The following LPCAT1 variants were observed in gnomAD, a reference collection of about 807,000 sequenced individuals.
LPCAT1 encodes 1-acylglycerol-3-phosphate O-acyltransferase.
Under a neutral mutation model 60.9 loss-of-function variants are expected in LPCAT1, and 23 were observed. That is an observed-to-expected ratio of 0.38 (90% confidence interval 0.27 to 0.53). The LOEUF (loss-of-function observed/expected upper bound fraction) is 0.53, where lower values mean the gene tolerates loss of function less well. LPCAT1 is among the 20% of genes least tolerant of loss of function. The pLI is 0.82. For missense variants in LPCAT1, 622 were observed against 723.6 expected, an observed-to-expected ratio of 0.86 and a Z score of 1.61; for synonymous variants, 340 against 301.1, an observed-to-expected ratio of 1.13 and a Z score of -1.34.
In LPCAT1 at chr5:1,502,984, A is replaced by T. The variant is rs1051416473; in HGVS notation, c.136-1381T>A. Reference sequence around the variant, plus strand: ...TACCATTTCGACACGTACTCAACGTAGAAGTTGCTACTGGCTAGTTTGCAT... The same window carrying T: ...TACCATTTCGACACGTACTCAACGTTGAAGTTGCTACTGGCTAGTTTGCAT... On this transcript the variant is annotated intron_variant, in intron 1 of 13. Coordinates refer to ENST00000283415, the MANE Select transcript of LPCAT1 (RefSeq NM_024830.5). This position sits in a 1 kb window ranked among gnomAD's most constrained non-coding sequence, Gnocchi z 5.5. Among the ~76,000 whole-genome samples the T allele has an allele frequency of 1.3e-5, 2 of 152,238 alleles. No individual in the cohort carries two copies. Among genetic ancestry groups the T allele is most frequent in the African/African-American group, 4.8e-5 (2 of 41,460 alleles).
intron 1 of LPCAT1, among the ~76,000 whole-genome samples, chr5:1,512,997 C>T (rs73033829): frequency 0.02 from 3,058 of 152,244 alleles, 104 homozygotes; most frequent in African/African-American, 0.068. Context: ...GGGAAAAGGG[C>T]GTGGGGTGGA....
At chr5:1,472,651 G>A (rs933955464) in intron 11 of LPCAT1, among the ~76,000 whole-genome samples, 1 of 152,206 alleles carries the variant, frequency 6.6e-6, no homozygotes, top group Non-Finnish European at 1.5e-5. Flanking sequence ...TGTGAAACCA[G>A]TATTCACCAT....
At chr5:1,503,480 C>T (rs149154020) in intron 1 of LPCAT1, among the ~76,000 whole-genome samples, 8 of 152,364 alleles carry the variant, frequency 5.3e-5, no homozygotes, top group African/African-American at 1.4e-4. Flanking sequence ...TGATGCCTTA[C>T]GGCCACGGTC....
At chr5:1,473,827 G>A (rs1734787200) in intron 11 of LPCAT1, 130 bp downstream of exon 11, 3 of 1,077,498 alleles carry the variant, frequency 2.8e-6, no homozygotes, top group South Asian at 3.3e-5. Context: ...GGGTGGGGTG[G>A]TGATGGGTGG....
rs148005551 is a variant in LPCAT1 at position 1,474,016 on chromosome 5, C to T, written c.1120G>A (p.Ala374Thr). The change falls in exon 11 of 14, where the codon GCC becomes ACC. Residue 374 changes from alanine to threonine, a missense_variant. Physicochemically the swap from Ala to Thr is moderately conservative, Grantham distance 58 (BLOSUM62 0). Around this residue, in one of 3 missense-constraint regions of LPCAT1, gnomAD observed 288 missense variants for 283.6 expected, o/e 1.02. Transcript: ENST00000283415. ...TCAGAAACGGGGACTTCCAGGGAGG[C>T]GGCAAACTCCGCAATACCTATCTTC... is the stretch of plus-strand genomic sequence containing the variant. ...GEKIGIAEFA[A>T]SLEVPVSDLL... The T allele has an allele frequency of 1.7e-5, 27 of 1,614,050 alleles. No individual in the cohort carries two copies. Among genetic ancestry groups the T allele is most frequent in the African/African-American group, 8.0e-5 (6 of 74,928 alleles).
Position 1,523,918 on chromosome 5 carries a change from G to A in LPCAT1, c.-74C>T, listed in dbSNP as rs1349684132. 72 of 970,720 alleles carry A rather than the reference G, an allele frequency of 7.4e-5. No homozygotes were observed. The highest frequency in any genetic ancestry group is 8.7e-5 in the Non-Finnish European group (71 of 813,934). 60.1% of individuals were successfully genotyped at this position (970,720 alleles called of 1,614,324 possible). A position where few individuals can be genotyped will look rare whatever the true frequency, so the allele number is the denominator to read the frequency against. ...GCGGGGCCGGGGCTAGCTGGGCGCG[G>A]GTCTCGGGGCGCGGGCCGAGGATGC... On this transcript the variant is annotated 5_prime_UTR_variant, in exon 1 of 14. Coordinates refer to ENST00000283415, the MANE Select transcript of LPCAT1 (RefSeq NM_024830.5). The surrounding 1 kb of genome is among the most constrained non-coding windows in gnomAD (Gnocchi z 7.1).
At chr5:1,499,081 T>C (rs933699047) in intron 2 of LPCAT1, among the ~76,000 whole-genome samples, 4 of 152,218 alleles carry the variant, frequency 2.6e-5, no homozygotes, top group Non-Finnish European at 5.9e-5. Flanking sequence ...GAGATGTACA[T>C]ATGAAAGCGT....
At chr5:1,489,485 C>T (rs1461343601) in intron 4 of LPCAT1, among the ~76,000 whole-genome samples, 1 of 152,216 alleles carries the variant, frequency 6.6e-6, no homozygotes, top group Non-Finnish European at 1.5e-5. Context: ...AATGCTCTAT[C>T]TGAGTCAGAA....
At chr5:1,506,911 C>T (rs941711806) in intron 1 of LPCAT1, among the ~76,000 whole-genome samples, 3 of 152,204 alleles carry the variant, frequency 2.0e-5, no homozygotes, top group African/African-American at 7.2e-5. Context: ...CCAAGCAAGG[C>T]CCAGCACCCT....
intron 1 of LPCAT1, among the ~76,000 whole-genome samples, chr5:1,514,691 G>A (rs985471004): frequency 1.6e-4 from 25 of 152,368 alleles, no homozygotes; most frequent in African/African-American, 5.8e-4. Flanking sequence ...CTCAGGGGCT[G>A]TGGACCATGC....
intron 1 of LPCAT1, among the ~76,000 whole-genome samples, chr5:1,512,506 G>A (rs970968901): frequency 1.3e-5 from 2 of 152,256 alleles, no homozygotes; most frequent in African/African-American, 4.8e-5. Flanking sequence ...AGAAGACACA[G>A]CTTGCTGAAG....
Position 1,502,814 on chromosome 5 carries a change from C to T in LPCAT1, c.136-1211G>A, listed in dbSNP as rs1193070001. 6.6e-6 allele frequency among the ~76,000 whole-genome samples: 1 copy of T among 152,084 alleles called. No homozygotes were observed. The highest frequency in any genetic ancestry group is 1.5e-5 in the Non-Finnish European group (1 of 68,020). On this transcript the variant is annotated intron_variant, in intron 1 of 13. Coordinates refer to ENST00000283415, the MANE Select transcript of LPCAT1 (RefSeq NM_024830.5). This position sits in a 1 kb window ranked among gnomAD's most constrained non-coding sequence, Gnocchi z 5.5. ...CCCACTCTGTTTCCTTGGTTTGTCCCTAGATTCTTTTGAGTTCTCAACGGA... is the reference window on the plus strand; with the variant it reads ...CCCACTCTGTTTCCTTGGTTTGTCCTTAGATTCTTTTGAGTTCTCAACGGA...
rs989131486 is a variant in LPCAT1, at chr5:1,463,552, C to G, written c.*99G>C. ...ACTCGGGCTGAAGACAGTGCCTGTA[C>G]AGCAGGAGTGAGGAGCGGAGCCCAG... is the stretch of plus-strand genomic sequence containing the variant. On this transcript the variant is annotated 3_prime_UTR_variant, in exon 14 of 14. Transcript: ENST00000283415. 15 of 1,325,282 alleles carry G rather than the reference C, an allele frequency of 1.1e-5. No individual in the cohort carries two copies. The African/African-American group carries it at 2.2e-4, about 19-fold the overall frequency. 82.1% of individuals were successfully genotyped at this position (1,325,282 alleles called of 1,614,324 possible).
rs1736735491 is a variant in LPCAT1, at chr5:1,523,418, G to C, written c.135+292C>G. On this transcript the variant is annotated intron_variant, in intron 1 of 13. Coordinates refer to ENST00000283415, the MANE Select transcript of LPCAT1 (RefSeq NM_024830.5). This position sits in a 1 kb window ranked among gnomAD's most constrained non-coding sequence, Gnocchi z 7.1. The stretch of plus-strand genomic sequence containing the variant: ...GCCCGGTTCAGGGTGCAGGGGTCTG[G>C]GGGGAGGAGCAGAACGCGGGGCGGG... Among the ~76,000 whole-genome samples the C allele has an allele frequency of 6.6e-6, 1 of 151,776 alleles. No homozygotes were observed. The highest frequency in any genetic ancestry group is 1.5e-5 in the Non-Finnish European group (1 of 67,882).
At chr5:1,501,900 C>T (rs1736028360) in intron 1 of LPCAT1, among the ~76,000 whole-genome samples, 1 of 152,088 alleles carries the variant, frequency 6.6e-6, no homozygotes, top group Non-Finnish European at 1.5e-5. Context: ...CTGACCAAGG[C>T]TGACCGGTGC....
rs1416666480 is a variant in LPCAT1, at chr5:1,502,484, G to A, written c.136-881C>T. ...AAGACCCGGCGCAGGAGAGTGAACT[G>A]GCGGGAGGGCAGGGGCGCAGGTCAA... On this transcript the variant is annotated intron_variant, in intron 1 of 13. Transcript: ENST00000283415. This position sits in a 1 kb window ranked among gnomAD's most constrained non-coding sequence, Gnocchi z 5.5. Among the ~76,000 whole-genome samples, 1 of 152,186 alleles carries A rather than the reference G, an allele frequency of 6.6e-6. No individual in the cohort carries two copies. The highest frequency in any genetic ancestry group is 1.5e-5 in the Non-Finnish European group (1 of 68,028).
Position 1,480,780 on chromosome 5 carries a change from C to T in LPCAT1, c.761+162G>A, listed in dbSNP as rs564629060. On this transcript the variant is annotated intron_variant, in intron 7 of 13. Transcript: ENST00000283415. This position sits in a 1 kb window ranked among gnomAD's most constrained non-coding sequence, Gnocchi z 6.4. ...AGAATCCAGGAGTGTCAGGCCTGGG[C>T]CACATCTGTACGTTTAGTTTTCACA... Among the ~76,000 whole-genome samples the T allele has an allele frequency of 7.2e-5, 11 of 152,334 alleles. No homozygotes were observed. Among genetic ancestry groups the T allele is most frequent in the South Asian group, 4.1e-4 (2 of 4,828 alleles).
At chr5:1,516,364 A>G (rs1160019726) in intron 1 of LPCAT1, among the ~76,000 whole-genome samples, 2 of 152,174 alleles carry the variant, frequency 1.3e-5, no homozygotes, top group African/African-American at 2.4e-5. Flanking sequence ...CTCTTCCCTG[A>G]TGGAGACAAT....
At position 1,509,560 on chromosome 5, in the gene LPCAT1, G is replaced by A. The variant is rs145861420; in HGVS notation, c.136-7957C>T. On this transcript the variant is annotated intron_variant, in intron 1 of 13. Transcript: ENST00000283415. ...TTCCATCAGCAAACACCACCAGCCC[G>A]CCCTCGGCATCTGAGAGCTGGAGGG... Among the ~76,000 whole-genome samples the A allele has an allele frequency of 4.5e-3, 689 of 152,160 alleles. 7 individuals are homozygous for A. The highest frequency in any genetic ancestry group is 0.015 in the African/African-American group (635 of 41,498).
Sources: allele counts gnomAD v4.1 joint callset (sites outside exome capture counted in the v4.1 genomes callset), GRCh38; gene constraint gnomAD v4.1.1; regional missense constraint gnomAD v4.1.1; non-coding constraint Gnocchi (gnomAD v3.1); transcripts MANE v1.5; gene names NCBI Gene and HGNC (gene_info 2026-07-23, HGNC 2026-07-21).